The following ENTPD1 variants were observed in gnomAD, a reference collection of about 807,000 sequenced individuals.
ENTPD1 encodes the protein ATP diphosphohydrolase.
ENTPD1 carries 33 observed loss-of-function variants against 57.0 expected under a neutral mutation model. That is an observed-to-expected ratio of 0.58 (90% CI 0.44 to 0.77). The LOEUF (loss-of-function observed/expected upper bound fraction) is 0.77, where lower values mean the gene tolerates loss of function less well. Among genes scored for constraint, ENTPD1 ranks in the 30% least tolerant of loss-of-function variants. ENTPD1 has a pLI of 0.00. For synonymous variants in ENTPD1, 202 were observed against 218.8 expected, an observed-to-expected ratio of 0.92 and a Z score of 0.68; for missense variants, 501 against 603.4, an observed-to-expected ratio of 0.83 and a Z score of 1.78.
intron 1 of ENTPD1, among the ~76,000 whole-genome samples, chr10:95,724,130 C>G (rs1268321201): frequency 1.4e-5 from 2 of 140,812 alleles, no homozygotes; most frequent in Non-Finnish European, 3.0e-5. Context: ...CCACTGCACT[C>G]CAGCCTGGGT....
chr10:95,821,863 C>G (rs755773889), intron 1 of ENTPD1, among the ~76,000 whole-genome samples: 1 of 152,030 alleles, frequency 6.6e-6, no homozygotes, highest in African/African-American at 2.4e-5. Context: ...CCAGCTTCTA[C>G]GTTTGGGAAT....
intron 1 of ENTPD1, among the ~76,000 whole-genome samples, chr10:95,818,355 G>T (rs1423698491): frequency 6.6e-6 from 1 of 152,194 alleles, no homozygotes; most frequent in Non-Finnish European, 1.5e-5. Flanking sequence ...ATGGTAAAAT[G>T]GGAAGGGCTG....
chr10:95,694,693 T>G, the ENTPD1 span, among the ~76,000 whole-genome samples: 1 of 152,030 alleles, frequency 6.6e-6, no homozygotes, highest in African/African-American at 2.4e-5. Context: ...CCCGTGTTAA[T>G]GGCAAATTTT....
chr10:95,839,038 G>A (rs932187626), intron 2 of ENTPD1, among the ~76,000 whole-genome samples: 37 of 152,188 alleles, frequency 2.4e-4, no homozygotes, highest in African/African-American at 8.9e-4. Context: ...TAATTTAAAA[G>A]TGAGTGTATT....
chr10:95,868,108 C>T lies in ENTPD1; in HGVS notation c.*1725C>T. ...CATTCATCTTCTCATTTAATCCTCA[C>T]AACAATCTGAAGAAGGTAGGTATTA... is the stretch of plus-strand genomic sequence containing the variant. On this transcript the variant is annotated 3_prime_UTR_variant, in exon 10 of 10. Coordinates refer to ENST00000371205, the MANE Select transcript of ENTPD1 (RefSeq NM_001776.6). 1 of 983,558 alleles carries T rather than the reference C, an allele frequency of 1.0e-6. No individual in the cohort carries two copies. Among genetic ancestry groups the T allele is most frequent in the Middle Eastern group, 5.2e-4 (1 of 1,912 alleles). The allele number at this position is 983,558 out of a possible 1,614,324, so 60.9% of individuals were successfully genotyped here. A position where few individuals can be genotyped will look rare whatever the true frequency, so the allele number is the denominator to read the frequency against.
intron 1 of ENTPD1, among the ~76,000 whole-genome samples, chr10:95,777,748 C>T (rs1464560176): frequency 6.6e-6 from 1 of 152,224 alleles, no homozygotes; most frequent in East Asian, 1.9e-4. Flanking sequence ...TTCAGCTATG[C>T]CCTGCCCCCA....
chr10:95,772,881 G>T (rs981484793), intron 1 of ENTPD1, among the ~76,000 whole-genome samples: 1 of 152,114 alleles, frequency 6.6e-6, no homozygotes, highest in Non-Finnish European at 1.5e-5. Flanking sequence ...AAATTACTTT[G>T]TTTTGTGTTG....
intron 1 of ENTPD1, among the ~76,000 whole-genome samples, chr10:95,776,234 C>T (rs904186109): frequency 7.2e-5 from 11 of 152,266 alleles, no homozygotes; most frequent in Admixed American, 2.0e-4. Context: ...TTCCTAGCAT[C>T]GACAGTCTTT....
chr10:95,722,844 G>A (rs1419526165), intron 1 of ENTPD1, among the ~76,000 whole-genome samples: 1 of 152,190 alleles, frequency 6.6e-6, no homozygotes, highest in South Asian at 2.1e-4. Context: ...AGTGGTTAAG[G>A]TTAAATCACC....
the ENTPD1 span, among the ~76,000 whole-genome samples, chr10:95,703,878 G>T: frequency 6.6e-6 from 1 of 151,220 alleles, no homozygotes; most frequent in East Asian, 1.9e-4. Context: ...ATCCCCTGAG[G>T]TCAGGAGTTC....
chr10:95,755,901 G>A (rs1303938663), upstream of ENTPD1: 25 of 1,513,038 alleles, frequency 1.7e-5, no homozygotes, highest in Non-Finnish European at 2.0e-5. Flanking sequence ...TGAAGAGGGA[G>A]GGAGTAAGGG....
chr10:95,873,844 C>G lies in ENTPD1; in HGVS notation c.*7461C>G. ...AAAGGTACTTCTTACGTGGTGGCAT[C>G]AAGAGCAAAATGAGGAAGAAGCAAA... On this transcript the variant is annotated 3_prime_UTR_variant, in exon 10 of 10. Coordinates refer to ENST00000371205, the MANE Select transcript of ENTPD1 (RefSeq NM_001776.6). The G allele has an allele frequency of 3.1e-6, 1 of 327,436 alleles. No individual in the cohort carries two copies. The highest frequency in any genetic ancestry group is 4.4e-6 in the Non-Finnish European group (1 of 228,356). 20.3% of individuals were successfully genotyped at this position (327,436 alleles called of 1,614,324 possible).
intron 7 of ENTPD1, among the ~76,000 whole-genome samples, chr10:95,852,747 G>A (rs1419804772): frequency 6.6e-6 from 1 of 152,162 alleles, no homozygotes; most frequent in Non-Finnish European, 1.5e-5. Flanking sequence ...TTGTAGATAT[G>A]TGGCATTATT....
chr10:95,775,046 C>T (rs2098128896), intron 1 of ENTPD1, among the ~76,000 whole-genome samples: 1 of 152,190 alleles, frequency 6.6e-6, no homozygotes, highest in Non-Finnish European at 1.5e-5. Flanking sequence ...GGGTCCTTTA[C>T]ATCCCTTGTG....
chr10:95,822,004 T>C (rs2140540955), intron 1 of ENTPD1, among the ~76,000 whole-genome samples: 1 of 146,408 alleles, frequency 6.8e-6, no homozygotes, highest in East Asian at 2.0e-4. Context: ...GCCTTTTTTT[T>C]TTTTTTTTTT....
At chr10:95,832,420 G>T (rs1214407146) in intron 2 of ENTPD1, among the ~76,000 whole-genome samples, 1 of 152,104 alleles carries the variant, frequency 6.6e-6, no homozygotes, top group African/African-American at 2.4e-5. Flanking sequence ...GAACTGAAGA[G>T]TCATTAGCTG....
intron 9 of ENTPD1, 25 bp downstream of exon 9, chr10:95,864,886 G>T (rs900872428): frequency 6.2e-7 from 1 of 1,611,102 alleles, no homozygotes; most frequent in Non-Finnish European, 8.5e-7. Context: ...TGTTGGGCTG[G>T]GGGGAGGTTG....
chr10:95,770,184 A>G (rs1299682401), intron 1 of ENTPD1, among the ~76,000 whole-genome samples: 1 of 151,410 alleles, frequency 6.6e-6, no homozygotes, highest in East Asian at 1.9e-4. Context: ...CGGATGCTCC[A>G]ACTTTAAAGG....
intron 1 of ENTPD1, among the ~76,000 whole-genome samples, chr10:95,734,076 C>T (rs1057452071): frequency 2.0e-5 from 3 of 152,114 alleles, no homozygotes; most frequent in Admixed American, 6.5e-5. Context: ...AGCACCAGGG[C>T]GTCCAGCTGA....
Sources: gnomAD v4.1 joint callset for allele counts (sites outside exome capture counted in the v4.1 genomes callset) on GRCh38, gnomAD v4.1.1 for gene constraint, MANE v1.5 for transcripts, NCBI Gene and HGNC (gene_info 2026-07-23, HGNC 2026-07-21) for gene names.